WDPCP: variants seen among roughly 807,000 people sequenced by gnomAD.
The protein encoded by WDPCP is WD repeat-containing and planar cell polarity effector protein fritz homolog.
Under a neutral mutation model 93.1 loss-of-function variants are expected in WDPCP, and 71 were observed. That is an observed-to-expected ratio of 0.76 (90% CI 0.63 to 0.93). The LOEUF (loss-of-function observed/expected upper bound fraction) is 0.93, where lower values mean the gene tolerates loss of function less well. Among genes scored for constraint, WDPCP ranks in the 40% least tolerant of loss-of-function variants. WDPCP has a pLI of 0.00. For synonymous variants in WDPCP, 315 were observed against 315.0 expected (o/e 1.00, Z 0.00); for missense variants, 844 against 887.4 (o/e 0.95, Z 0.62).
In WDPCP at chr2:63,517,179, C is replaced by T. The variant is rs925113696; in HGVS notation, c.76-24239G>A. On this transcript the variant is annotated intron_variant, in intron 1 of 17. Coordinates refer to ENST00000272321, the MANE Select transcript of WDPCP (RefSeq NM_015910.7). ...TTCAATAGCTTTCTGACTAGACTCC[C>T]GTTTTGACTTTTGAGTACCTATAAT... Among the ~76,000 whole-genome samples the T allele has an allele frequency of 5.3e-5, 8 of 152,032 alleles. No individual in the cohort carries two copies. The East Asian group carries it at 7.7e-4, about 15-fold the overall frequency.
intron 12 of WDPCP, among the ~76,000 whole-genome samples, chr2:63,320,553 A>T (rs1283153000): frequency 6.6e-6 from 1 of 152,158 alleles, no homozygotes; most frequent in Non-Finnish European, 1.5e-5. Context: ...ATGAACTGAT[A>T]CAGTTCATTG....
intron 3 of WDPCP, among the ~76,000 whole-genome samples, chr2:63,613,469 A>T (rs1421308360): frequency 1.3e-5 from 2 of 152,192 alleles, no homozygotes; most frequent in African/African-American, 4.8e-5. Context: ...CCTCCCAATC[A>T]TGGGATGGGG....
At chr2:63,143,097 A>G (rs923855237) in intron 17 of WDPCP, among the ~76,000 whole-genome samples, 2 of 152,066 alleles carry the variant, frequency 1.3e-5, no homozygotes, top group Admixed American at 6.6e-5. Context: ...GACTACAGGC[A>G]CATGTCACCG....
chr2:63,789,079 C>T (rs1021523431), intron 2 of WDPCP, among the ~76,000 whole-genome samples: 3 of 151,884 alleles, frequency 2.0e-5, no homozygotes, highest in South Asian at 2.1e-4. Context: ...ATTTTTATTT[C>T]TATAAAAAAT....
intron 1 of WDPCP, among the ~76,000 whole-genome samples, chr2:63,576,474 A>G (rs535024548): frequency 6.6e-6 from 1 of 152,360 alleles, no homozygotes; most frequent in East Asian, 1.9e-4. Context: ...GCATGTGGGA[A>G]GGGGCACAGA....
chr2:63,484,394 CA>C (rs1258606533), intron 6 of WDPCP, among the ~76,000 whole-genome samples: 1 of 151,932 alleles, frequency 6.6e-6, no homozygotes, highest in African/African-American at 2.4e-5. Flanking sequence ...TATGTCAGTA[CA>C]ACTATACTGG....
chr2:63,582,718 G>T (rs1389050318), intron 1 of WDPCP, among the ~76,000 whole-genome samples: 12 of 151,852 alleles, frequency 7.9e-5, no homozygotes, highest in African/African-American at 2.9e-4. Flanking sequence ...AGATAAAGAT[G>T]ATAGTAGATT....
At chr2:63,771,863 A>C (rs181925583) in intron 2 of WDPCP, among the ~76,000 whole-genome samples, 2 of 151,980 alleles carry the variant, frequency 1.3e-5, no homozygotes, top group Non-Finnish European at 2.9e-5. Flanking sequence ...TGTTGCTACA[A>C]AGGACTTACT....
At chr2:63,584,773 G>A (rs1442940283) in intron 1 of WDPCP, among the ~76,000 whole-genome samples, 1 of 151,888 alleles carries the variant, frequency 6.6e-6, no homozygotes, top group Non-Finnish European at 1.5e-5. Context: ...AAGATTTATA[G>A]AGACCAGGAA....
chr2:63,347,730 G>GT (rs1689292589), intron 12 of WDPCP, among the ~76,000 whole-genome samples: 1 of 143,744 alleles, frequency 7.0e-6, no homozygotes, highest in Non-Finnish European at 1.5e-5. Context: ...GGGGGAAATT[G>GT]CCCCCCCCGC....
intron 17 of WDPCP, among the ~76,000 whole-genome samples, chr2:63,147,415 T>A (rs1406252708): frequency 6.6e-6 from 1 of 152,132 alleles, no homozygotes; most frequent in African/African-American, 2.4e-5. Flanking sequence ...TGAATTTGAT[T>A]GGTTGGATTA....
At chr2:63,235,558 C>G (rs1679316576) in intron 14 of WDPCP, among the ~76,000 whole-genome samples, 1 of 152,086 alleles carries the variant, frequency 6.6e-6, no homozygotes, top group East Asian at 1.9e-4. Flanking sequence ...CAGAAAACCA[C>G]AGGCCAACAT....
At chr2:63,192,117 CTT>C (rs1200293067) in intron 14 of WDPCP, among the ~76,000 whole-genome samples, 2 of 152,080 alleles carry the variant, frequency 1.3e-5, no homozygotes, top group Admixed American at 1.3e-4. Context: ...GCTATCCTAT[CTT>C]AACATGTTCC....
chr2:63,394,408 G>A (rs1041762447), intron 10 of WDPCP, among the ~76,000 whole-genome samples: 1 of 151,918 alleles, frequency 6.6e-6, no homozygotes, highest in Non-Finnish European at 1.5e-5. Flanking sequence ...TGAGGGTGCA[G>A]AGAAAAGAGG....
intron 3 of WDPCP, among the ~76,000 whole-genome samples, chr2:63,630,797 T>C (rs1379742676): frequency 6.6e-6 from 1 of 152,228 alleles, no homozygotes; most frequent in Non-Finnish European, 1.5e-5. Context: ...AAAGTATGCA[T>C]TCTTTTCAAG....
At chr2:63,347,298 G>A (rs974468517) in intron 12 of WDPCP, among the ~76,000 whole-genome samples, 2 of 152,284 alleles carry the variant, frequency 1.3e-5, no homozygotes, top group East Asian at 1.9e-4. Context: ...TTGAACTTCA[G>A]ATGAATAATA....
At chr2:63,840,481 A>C in the WDPCP span, among the ~76,000 whole-genome samples, 1 of 152,174 alleles carries the variant, frequency 6.6e-6, no homozygotes, top group Non-Finnish European at 1.5e-5. Flanking sequence ...GGGAGCCTTC[A>C]CTTGTCACTT....
chr2:63,300,327 T>C lies in WDPCP; in HGVS notation c.1812+12921A>G, dbSNP rs11679932. 4.7e-3 allele frequency among the ~76,000 whole-genome samples: 713 copies of C among 152,280 alleles called. 6 individuals carry two copies. Among genetic ancestry groups the C allele is most frequent in the Middle Eastern group, 0.01 (3 of 294 alleles). ...TTCATAATGGGAACCTTGTCTAGGA[T>C]ACCAAGTACAACATTCATCAAAATG... On this transcript the variant is annotated intron_variant, in intron 13 of 17. Transcript: ENST00000272321.
intron 16 of WDPCP, 97 bp downstream of exon 16, chr2:63,153,398 G>A: frequency 1.1e-6 from 1 of 934,818 alleles, no homozygotes; most frequent in Non-Finnish European, 1.6e-6. Context: ...AATGCTCAGA[G>A]TTTTCTTATT....
Sources: allele counts gnomAD v4.1 joint callset (sites outside exome capture counted in the v4.1 genomes callset), GRCh38; gene constraint gnomAD v4.1.1; transcripts MANE v1.5; gene names NCBI Gene and HGNC (gene_info 2026-07-23, HGNC 2026-07-21).